UBN2: variants seen among roughly 807,000 people sequenced by gnomAD.
The protein encoded by UBN2 is ubinuclein-2.
UBN2 carries 35 observed loss-of-function variants against 120.2 expected under a neutral mutation model. That is an observed-to-expected ratio of 0.29 (90% CI 0.22 to 0.39). The LOEUF is 0.39. Among genes scored for constraint, UBN2 ranks in the 10% least tolerant of loss-of-function variants. The pLI, the probability that UBN2 is intolerant of heterozygous loss-of-function variation, is 1.00. For missense variants in UBN2, 1,693 were observed against 1,663.2 expected (o/e 1.02, Z -0.31); for synonymous variants, 661 against 648.7 (o/e 1.02, Z -0.29).
At chr7:139,285,233 A>G (rs1452066981) in intron 15 of UBN2, among the ~76,000 whole-genome samples, 3 of 152,176 alleles carry the variant, frequency 2.0e-5, no homozygotes, top group Admixed American at 6.5e-5. Flanking sequence ...GTAGCCGGGC[A>G]TGGTGGCTCG....
rs371717591 is a variant in UBN2 at position 139,240,454 on chromosome 7, A to ATATATTTTT, written c.561+3358_561+3359insATATTTTTT. On this transcript the variant is annotated intron_variant, in intron 2 of 17. Coordinates refer to ENST00000473989, the MANE Select transcript of UBN2 (RefSeq NM_173569.4). ...AATATATATATATATATATATATAT[A>ATATATTTTT]TTTTTTTTTTTAAATAATTATTTGG... is the stretch of plus-strand genomic sequence containing the variant. Among the ~76,000 whole-genome samples, 9 of 123,106 alleles carry ATATATTTTT rather than the reference A, an allele frequency of 7.3e-5. 1 individual carries two copies. The highest frequency in any genetic ancestry group is 2.9e-4 in the African/African-American group (9 of 31,236). 80.8% of individuals were successfully genotyped at this position (123,106 alleles called of 152,430 possible).
chr7:139,297,600 AG>A (rs1376348116), intron 17 of UBN2, among the ~76,000 whole-genome samples, 186 bp from the exon 18 acceptor site: 1 of 152,202 alleles, frequency 6.6e-6, no homozygotes, highest in Admixed American at 6.5e-5. Flanking sequence ...ATTGTTGTTG[AG>A]TTTTTATCTC....
intron 14 of UBN2, among the ~76,000 whole-genome samples, chr7:139,282,365 T>A (rs1797639785): frequency 1.3e-5 from 2 of 152,340 alleles, no homozygotes; most frequent in Middle Eastern, 6.8e-3. Context: ...TTAATACCCT[T>A]GTTTTCTTAG....
chr7:139,249,727 A>T (rs1796569084), intron 2 of UBN2, among the ~76,000 whole-genome samples: 1 of 151,896 alleles, frequency 6.6e-6, no homozygotes, highest in Non-Finnish European at 1.5e-5. Flanking sequence ...GTTTTTTGAG[A>T]TAGGGTCTCG....
intron 2 of UBN2, among the ~76,000 whole-genome samples, chr7:139,250,346 C>T (rs1401706626): frequency 6.6e-6 from 1 of 152,056 alleles, no homozygotes; most frequent in Non-Finnish European, 1.5e-5. Flanking sequence ...GATTCTTGAG[C>T]CTCAGCCACC....
At chr7:139,256,587 T>C (rs1796773134) in intron 3 of UBN2, among the ~76,000 whole-genome samples, 1 of 152,184 alleles carries the variant, frequency 6.6e-6, no homozygotes, top group Non-Finnish European at 1.5e-5. Flanking sequence ...TGAAGAAGTA[T>C]TGAAAATTAT....
intron 7 of UBN2, among the ~76,000 whole-genome samples, chr7:139,267,549 AG>A (rs1450839892): frequency 5.3e-5 from 8 of 151,522 alleles, no homozygotes; most frequent in African/African-American, 1.9e-4. Flanking sequence ...AAAAAAAAAA[AG>A]AGAGAAAGAG....
At chr7:139,251,867 A>C (rs1191948762) in intron 2 of UBN2, 89 bp from the exon 3 acceptor site, 11 of 1,312,982 alleles carry the variant, frequency 8.4e-6, no homozygotes, top group Non-Finnish European at 1.2e-5. Context: ...CTATCTGCAA[A>C]AATTATTTGA....
chr7:139,319,508 C>G, the UBN2 span, among the ~76,000 whole-genome samples: 2 of 152,180 alleles, frequency 1.3e-5, no homozygotes, highest in African/African-American at 4.8e-5. Context: ...GTGGTCCCAG[C>G]TACTTGAGAG....
intron 15 of UBN2, among the ~76,000 whole-genome samples, chr7:139,285,846 G>A (rs1563224855): frequency 6.6e-6 from 1 of 151,986 alleles, no homozygotes; most frequent in Non-Finnish European, 1.5e-5. Context: ...GGGTTCAGGA[G>A]ATTCTCCTGC....
intron 2 of UBN2, among the ~76,000 whole-genome samples, chr7:139,240,450 ATATAT>A (rs1314035131): frequency 0.025 from 940 of 37,356 alleles, 9 homozygotes; most frequent in African/African-American, 0.053. Context: ...ATATATATAT[ATATAT>A]TTTTTTTTTT....
chr7:139,300,147 C>T lies in UBN2; in HGVS notation c.*2311C>T, dbSNP rs1038776540. The T allele has an allele frequency of 6.6e-6, 1 of 152,134 alleles. No homozygotes were observed. The highest frequency in any genetic ancestry group is 1.5e-5 in the Non-Finnish European group (1 of 68,012). 9.4% of individuals were successfully genotyped at this position (152,134 alleles called of 1,614,324 possible). On this transcript the variant is annotated 3_prime_UTR_variant, in exon 18 of 18. Transcript: ENST00000473989. ...GTTCTTTTCCCTGTAACATTTTATA[C>T]TAACCAGTAAAAATATCTGAAGGCC... is the stretch of plus-strand genomic sequence containing the variant.
At chr7:139,262,447 A>G (rs958198891) in intron 6 of UBN2, among the ~76,000 whole-genome samples, 31 of 152,188 alleles carry the variant, frequency 2.0e-4, no homozygotes, top group Non-Finnish European at 4.1e-4. Context: ...ATGGTGGCAC[A>G]TGCATGTAAT....
At chr7:139,258,422 T>A (rs1796827545) in intron 3 of UBN2, 66 bp from the exon 4 acceptor site, 1 of 1,296,346 alleles carries the variant, frequency 7.7e-7, no homozygotes, top group Non-Finnish European at 1.0e-6. Flanking sequence ...GTGGATGAAT[T>A]TCTTTGACAT....
At chr7:139,241,216 C>T (rs577976406) in intron 2 of UBN2, among the ~76,000 whole-genome samples, 2 of 152,284 alleles carry the variant, frequency 1.3e-5, no homozygotes, top group South Asian at 4.1e-4. Context: ...GAAGATTTCT[C>T]TTAGTGATTT....
chr7:139,239,254 A>C (rs547626772), intron 2 of UBN2, among the ~76,000 whole-genome samples: 1 of 152,064 alleles, frequency 6.6e-6, no homozygotes, highest in African/African-American at 2.4e-5. Flanking sequence ...TGGGGGGGTC[A>C]TATCAGGACA....
chr7:139,268,047 T>A (rs557146873), intron 7 of UBN2, among the ~76,000 whole-genome samples: 4 of 152,366 alleles, frequency 2.6e-5, no homozygotes, highest in South Asian at 2.1e-4. Context: ...TGACTGAGGC[T>A]GTTCTTTTTT....
chr7:139,266,757 T>G (rs1797110084), intron 7 of UBN2, among the ~76,000 whole-genome samples: 1 of 152,226 alleles, frequency 6.6e-6, no homozygotes, highest in African/African-American at 2.4e-5. Flanking sequence ...ATTTTCCATC[T>G]ACTTTTATTA....
intron 15 of UBN2, among the ~76,000 whole-genome samples, chr7:139,285,057 T>G (rs1255221858): frequency 1.3e-5 from 2 of 152,220 alleles, no homozygotes; most frequent in South Asian, 2.1e-4. Flanking sequence ...ATCATTTATC[T>G]TCTCGAAATT....
Sources: allele counts gnomAD v4.1 joint callset (sites outside exome capture counted in the v4.1 genomes callset), GRCh38; gene constraint gnomAD v4.1.1; transcripts MANE v1.5; gene names NCBI Gene and HGNC (gene_info 2026-07-23, HGNC 2026-07-21).